The following SLC2A13 variants were observed in gnomAD, a reference collection of about 807,000 sequenced individuals.
SLC2A13 encodes the protein proton myo-inositol cotransporter.
A neutral mutation model predicts 64.4 loss-of-function variants in SLC2A13; 32 were observed. The ratio of observed to expected loss-of-function variants is 0.50; its 90% CI spans 0.37 to 0.67. The LOEUF is 0.67. Ranked by LOEUF, SLC2A13 falls within the 30% of genes least tolerant of loss-of-function variation. The probability of loss-of-function intolerance (pLI) is 0.00; values close to 1 mark genes in which losing one functional copy is unlikely to be tolerated. For synonymous variants in SLC2A13, 338 were observed against 327.1 expected (o/e 1.03, Z -0.36); for missense variants, 743 against 829.2 (o/e 0.90, Z 1.28).
chr12:39,825,718 A>G (rs1045439582), intron 7 of SLC2A13, among the ~76,000 whole-genome samples: 2 of 152,094 alleles, frequency 1.3e-5, no homozygotes, highest in African/African-American at 2.4e-5. Context: ...CTTCTTGATT[A>G]GTATTGCAAG....
Position 40,102,775 on chromosome 12 carries a change from C to CTCA in SLC2A13, c.556+2475_556+2477dup, listed in dbSNP as rs140403923. 1.0e-3 allele frequency among the ~76,000 whole-genome samples: 156 copies of CTCA among 152,178 alleles called. 1 individual carries two copies. The East Asian group carries it at 0.024, about 23-fold the overall frequency. On this transcript the variant is annotated intron_variant, in intron 1 of 9. Coordinates refer to ENST00000280871, the MANE Select transcript of SLC2A13 (RefSeq NM_052885.4). ...CTGATTTAATGTCCCTCAAAAAATG[C>CTCA]TCATGTTAGGAACCCATTTCCTTGT...
intron 3 of SLC2A13, among the ~76,000 whole-genome samples, chr12:40,001,618 T>C (rs1326857993): frequency 6.6e-6 from 1 of 152,208 alleles, no homozygotes; most frequent in Non-Finnish European, 1.5e-5. Flanking sequence ...AGAATGAGAA[T>C]GCAAGTCTTC....
chr12:39,883,295 A>T (rs1370818792), intron 4 of SLC2A13, among the ~76,000 whole-genome samples: 1 of 152,152 alleles, frequency 6.6e-6, no homozygotes, highest in Non-Finnish European at 1.5e-5. Context: ...CCTCACCACC[A>T]TCACTCTCCT....
At chr12:40,028,577 T>C in intron 2 of SLC2A13, 68 bp from the exon 3 acceptor site, 1 of 1,494,610 alleles carries the variant, frequency 6.7e-7, no homozygotes, top group Non-Finnish European at 9.2e-7. Flanking sequence ...ACCACATACT[T>C]TTGTGTTGTG....
chr12:39,808,028 T>C (rs1289734247), intron 7 of SLC2A13, among the ~76,000 whole-genome samples: 1 of 152,166 alleles, frequency 6.6e-6, no homozygotes, highest in Non-Finnish European at 1.5e-5. Context: ...TACGTGTAAG[T>C]CAATGAGTTT....
chr12:39,946,879 C>T (rs1183841063), intron 4 of SLC2A13, among the ~76,000 whole-genome samples: 2 of 152,190 alleles, frequency 1.3e-5, no homozygotes, highest in Non-Finnish European at 2.9e-5. Context: ...CAGGAGGCTT[C>T]TTGCCCCATT....
chr12:40,003,961 C>G (rs1947364153), intron 3 of SLC2A13, among the ~76,000 whole-genome samples: 1 of 151,364 alleles, frequency 6.6e-6, no homozygotes, highest in African/African-American at 2.4e-5. Flanking sequence ...CCATTGCACT[C>G]CAGCCTGGGC....
At chr12:39,838,471 C>A (rs1943083572) in intron 6 of SLC2A13, among the ~76,000 whole-genome samples, 2 of 142,432 alleles carry the variant, frequency 1.4e-5, no homozygotes, top group African/African-American at 5.3e-5. Context: ...TGCACATGTA[C>A]CCTAAAACTT....
At chr12:39,824,871 G>C (rs1942627035) in intron 7 of SLC2A13, among the ~76,000 whole-genome samples, 1 of 152,192 alleles carries the variant, frequency 6.6e-6, no homozygotes, top group Non-Finnish European at 1.5e-5. Flanking sequence ...ACTTCAGGCA[G>C]AGATCAAGGA....
intron 3 of SLC2A13, among the ~76,000 whole-genome samples, chr12:39,957,996 G>A (rs976615602): frequency 6.6e-6 from 1 of 152,168 alleles, no homozygotes; most frequent in African/African-American, 2.4e-5. Flanking sequence ...TAAGGCATAA[G>A]GAAGGACCCA....
intron 3 of SLC2A13, among the ~76,000 whole-genome samples, chr12:39,980,524 C>G (rs1946869916): frequency 6.6e-6 from 1 of 151,790 alleles, no homozygotes; most frequent in African/African-American, 2.4e-5. Flanking sequence ...GGTTGCAATC[C>G]TAGTCTCTGA....
intron 2 of SLC2A13, among the ~76,000 whole-genome samples, chr12:40,036,032 G>A (rs750010255): frequency 7.2e-5 from 11 of 152,086 alleles, no homozygotes; most frequent in Admixed American, 4.6e-4. Flanking sequence ...CCCAAACTCT[G>A]AGAATCATCC....
Position 40,105,471 on chromosome 12 carries a change from A to C in SLC2A13, c.338T>G (p.Leu113Arg). Residue 113 changes from leucine to arginine, a missense_variant, in exon 1 of 10, where the codon CTC (leucine) becomes CGC (arginine). By Grantham distance (102) the Leu-to-Arg change is moderately radical (BLOSUM62 -2). Coordinates refer to ENST00000280871, the MANE Select transcript of SLC2A13 (RefSeq NM_052885.4). The surrounding 1 kb of genome is among the most constrained non-coding windows in gnomAD (Gnocchi z 4.2). ...CTCCTGCCACAGCGCGTCCAGACTG[A>C]GCTGCCGCTTGAGCAGCAGCATGGC... ...SGAMLLLKRQ[L>R]SLDALWQELL... is the part of the protein sequence containing the mutation. The C allele has an allele frequency of 6.4e-7, 1 of 1,565,228 alleles. No homozygotes were observed. Among genetic ancestry groups the C allele is most frequent in the Non-Finnish European group, 8.7e-7 (1 of 1,155,736 alleles).
At chr12:39,938,670 A>G (rs1945964050) in intron 4 of SLC2A13, among the ~76,000 whole-genome samples, 1 of 146,398 alleles carries the variant, frequency 6.8e-6, no homozygotes, top group Admixed American at 7.1e-5. Flanking sequence ...CCACATGGTT[A>G]GCCAGGGATC....
intron 1 of SLC2A13, among the ~76,000 whole-genome samples, chr12:40,070,131 T>C (rs572911286): frequency 6.6e-6 from 1 of 151,048 alleles, no homozygotes; most frequent in African/African-American, 2.4e-5. Context: ...GAAGGCCAAT[T>C]AGTCTGTATA....
chr12:39,781,298 G>A (rs1940973816), intron 7 of SLC2A13, among the ~76,000 whole-genome samples: 1 of 152,132 alleles, frequency 6.6e-6, no homozygotes, highest in Non-Finnish European at 1.5e-5. Context: ...TCCTGGCACT[G>A]GCACAAAGAA....
intron 6 of SLC2A13, among the ~76,000 whole-genome samples, chr12:39,834,111 G>A (rs1282423323): frequency 6.6e-6 from 1 of 151,824 alleles, no homozygotes; most frequent in Non-Finnish European, 1.5e-5. Context: ...AGTTTTCCCT[G>A]GGTGCAATCT....
intron 6 of SLC2A13, among the ~76,000 whole-genome samples, chr12:39,859,760 TG>T (rs775093939): frequency 1.8e-3 from 268 of 152,184 alleles, no homozygotes; most frequent in Middle Eastern, 3.4e-3. Context: ...CTGCTGACCT[TG>T]GTGATCCGCC....
At chr12:40,011,220 T>C (rs1390028618) in intron 3 of SLC2A13, among the ~76,000 whole-genome samples, 1 of 152,160 alleles carries the variant, frequency 6.6e-6, no homozygotes, top group African/African-American at 2.4e-5. Context: ...AAAAGTTCTA[T>C]GTTGCAGGGG....
Sources: gnomAD v4.1 joint callset for allele counts (sites outside exome capture counted in the v4.1 genomes callset) on GRCh38, gnomAD v4.1.1 for gene constraint, Gnocchi (gnomAD v3.1) non-coding constraint, MANE v1.5 for transcripts, NCBI Gene and HGNC (gene_info 2026-07-23, HGNC 2026-07-21) for gene names.